Variants in SEC22A observed in about 807,000 individuals in gnomAD.
The protein encoded by SEC22A is SEC22 homolog A, vesicle trafficking protein.
A neutral mutation model predicts 35.3 loss-of-function variants in SEC22A; 22 were observed. That is an observed-to-expected ratio of 0.62 (90% confidence interval 0.45 to 0.89). The LOEUF (loss-of-function observed/expected upper bound fraction) is 0.89, where lower values mean the gene tolerates loss of function less well. SEC22A is among the 40% of genes least tolerant of loss of function. The pLI, the probability that SEC22A is intolerant of heterozygous loss-of-function variation, is 0.00. For missense variants in SEC22A, 354 were observed against 362.5 expected (o/e 0.98, Z 0.19); for synonymous variants, 119 against 129.5 (o/e 0.92, Z 0.55).
At chr3:123,263,788 G>A (rs753455195) in intron 6 of SEC22A, among the ~76,000 whole-genome samples, 6 of 152,112 alleles carry the variant, frequency 3.9e-5, no homozygotes, top group Admixed American at 2.0e-4. Flanking sequence ...ACAGGCATAA[G>A]CCAGATAGGC....
intron 6 of SEC22A, 141 bp from the exon 7 acceptor site, chr3:123,271,381 G>A: frequency 1.5e-6 from 1 of 647,890 alleles, no homozygotes; most frequent in Admixed American, 2.8e-5. Context: ...TTAGATATAT[G>A]CTACATTATC....
intron 5 of SEC22A, among the ~76,000 whole-genome samples, chr3:123,253,325 ATTGT>A (rs764117768): frequency 6.6e-6 from 1 of 152,210 alleles, no homozygotes; most frequent in Non-Finnish European, 1.5e-5. Flanking sequence ...GGATTCTAAA[ATTGT>A]TTGTAAAAGC....
At chr3:123,251,850 C>T (rs1005870857) in intron 5 of SEC22A, among the ~76,000 whole-genome samples, 7 of 152,142 alleles carry the variant, frequency 4.6e-5, no homozygotes, top group African/African-American at 1.4e-4. Context: ...TTTTCCTTTC[C>T]TTTTCCCACT....
chr3:123,235,325 C>A (rs1021301474), intron 4 of SEC22A, among the ~76,000 whole-genome samples: 9 of 152,028 alleles, frequency 5.9e-5, no homozygotes, highest in Non-Finnish European at 1.0e-4. Context: ...ATAACTGTTA[C>A]AACTAAACGA....
At chr3:123,254,757 A>G (rs1359784738) in intron 5 of SEC22A, among the ~76,000 whole-genome samples, 1 of 151,744 alleles carries the variant, frequency 6.6e-6, no homozygotes. Flanking sequence ...ATTATACTTC[A>G]AGTTCTAGGG....
intron 5 of SEC22A, 41 bp from the exon 6 acceptor site, chr3:123,259,483 C>A (rs1373242942): frequency 7.0e-7 from 1 of 1,423,822 alleles, no homozygotes; most frequent in Non-Finnish European, 9.9e-7. Context: ...GAAATGGGCT[C>A]CCACCGGAAA....
chr3:123,263,998 C>T (rs1018247447), intron 6 of SEC22A, among the ~76,000 whole-genome samples: 5 of 151,744 alleles, frequency 3.3e-5, no homozygotes, highest in East Asian at 3.9e-4. Flanking sequence ...ACAGCCTCAC[C>T]GCAGCTTTGA....
intron 5 of SEC22A, among the ~76,000 whole-genome samples, chr3:123,251,531 A>G (rs1266283032): frequency 6.6e-6 from 1 of 152,222 alleles, no homozygotes; most frequent in Non-Finnish European, 1.5e-5. Flanking sequence ...TTGTTCTGCC[A>G]TAACCCACCT....
chr3:123,209,951 A>G (rs751777168), intron 2 of SEC22A, among the ~76,000 whole-genome samples: 2 of 152,244 alleles, frequency 1.3e-5, no homozygotes, highest in Non-Finnish European at 2.9e-5. Flanking sequence ...GGTAGCAGCC[A>G]GTGGAGAAGC....
Position 123,241,002 on chromosome 3 carries a change from TACACACACACACACACACACAC to T in SEC22A, c.542-4877_542-4856del, listed in dbSNP as rs35775511. Among the ~76,000 whole-genome samples the T allele has an allele frequency of 2.1e-5, 3 of 142,676 alleles. No individual in the cohort carries two copies. The East Asian group carries it at 6.5e-4, about 31-fold the overall frequency. The allele number at this position is 142,676 out of a possible 152,430, so 93.6% of individuals were successfully genotyped here. ...AATAGATTTACTAATCTCTCTTTCT[TACACACACACACACACACACAC>T]ACACACACACACACACACATCCCCT... On this transcript the variant is annotated intron_variant, in intron 4 of 6. Transcript: ENST00000492595.
At chr3:123,259,299 A>G (rs1937821406) in intron 5 of SEC22A, among the ~76,000 whole-genome samples, 1 of 152,014 alleles carries the variant, frequency 6.6e-6, no homozygotes, top group Admixed American at 6.5e-5. Flanking sequence ...AATGAAATTG[A>G]TGGGGGTGGC....
intron 4 of SEC22A, among the ~76,000 whole-genome samples, chr3:123,226,090 G>A (rs9883794): frequency 0.19 from 28,281 of 152,046 alleles, 2,780 homozygotes; most frequent in Middle Eastern, 0.27. Flanking sequence ...TTGTTAATCC[G>A]TTTGTCTGAT....
intron 2 of SEC22A, among the ~76,000 whole-genome samples, chr3:123,220,353 G>A (rs893555858): frequency 1.3e-5 from 2 of 152,078 alleles, no homozygotes; most frequent in Admixed American, 1.3e-4. Flanking sequence ...GGTTATTATG[G>A]GGTATATTTG....
At chr3:123,208,827 C>G (rs1044286796) in intron 1 of SEC22A, 17 of 194,066 alleles carry the variant, frequency 8.8e-5, no homozygotes, top group African/African-American at 4.0e-4. Flanking sequence ...CGGAGTCTCA[C>G]TCTGTCGCCC....
intron 4 of SEC22A, among the ~76,000 whole-genome samples, chr3:123,237,054 G>C (rs908852691): frequency 1.3e-5 from 2 of 152,102 alleles, no homozygotes; most frequent in African/African-American, 4.8e-5. Flanking sequence ...AGGTCATATG[G>C]CCTCTGTTAG....
chr3:123,269,547 A>G (rs1312230644), intron 6 of SEC22A, among the ~76,000 whole-genome samples: 2 of 152,098 alleles, frequency 1.3e-5, no homozygotes, highest in Non-Finnish European at 2.9e-5. Context: ...ATCTTGACAA[A>G]ACATCAGACA....
chr3:123,247,197 GC>G (rs1937574135), intron 5 of SEC22A, among the ~76,000 whole-genome samples: 1 of 152,176 alleles, frequency 6.6e-6, no homozygotes, highest in South Asian at 2.1e-4. Flanking sequence ...TTTGGAGACT[GC>G]TGATAGAAAA....
At chr3:123,266,165 T>A (rs2108108059) in intron 6 of SEC22A, among the ~76,000 whole-genome samples, 1 of 152,222 alleles carries the variant, frequency 6.6e-6, no homozygotes, top group South Asian at 2.1e-4. Flanking sequence ...TTCCTGATAA[T>A]GGTAATTTGC....
chr3:123,234,752 G>GTA (rs997023261), intron 4 of SEC22A, among the ~76,000 whole-genome samples: 115 of 152,306 alleles, frequency 7.6e-4, no homozygotes, highest in African/African-American at 2.7e-3. Context: ...GCTGGGCTCA[G>GTA]TGGCTCACGC....
Sources: gnomAD v4.1 joint callset for allele counts (sites outside exome capture counted in the v4.1 genomes callset) on GRCh38, gnomAD v4.1.1 for gene constraint, MANE v1.5 for transcripts, NCBI Gene and HGNC (gene_info 2026-07-23, HGNC 2026-07-21) for gene names.